Variants in ULK4 observed in about 807,000 individuals in gnomAD.
The protein encoded by ULK4 is inactive serine/threonine-protein kinase ULK4.
Under a neutral mutation model 160.6 loss-of-function variants are expected in ULK4, and 133 were observed. That is an observed-to-expected ratio of 0.83 (90% CI 0.72 to 0.96). The LOEUF is 0.96. Ranked by LOEUF, ULK4 falls within the 40% of genes least tolerant of loss-of-function variation. ULK4 has a pLI of 0.00. For missense variants in ULK4, 1,580 were observed against 1,499.5 expected, an observed-to-expected ratio of 1.05 and a Z score of -0.89; for synonymous variants, 534 against 539.8, an observed-to-expected ratio of 0.99 and a Z score of 0.15.
At chr3:41,955,097 C>G (rs1295236183) in intron 1 of ULK4, among the ~76,000 whole-genome samples, 2 of 152,098 alleles carry the variant, frequency 1.3e-5, no homozygotes, top group Admixed American at 6.5e-5. Flanking sequence ...TTGAGACCAG[C>G]CTGGCCAACA....
chr3:41,705,110 C>T lies in ULK4; in HGVS notation c.2728G>A (p.Ala910Thr). 6.2e-7 allele frequency: 1 copy of T among 1,613,956 alleles called. No homozygotes were observed. The highest frequency in any genetic ancestry group is 8.5e-7 in the Non-Finnish European group (1 of 1,179,958). The part of the protein sequence containing the change: ...SEEFIKITLS[A>T]FEAIIQYPIL... ...GGATACTGTATTATTGCTTCAAAAG[C>T]TGACAATGTGATCTTGATAAATTCT... Residue 910 changes from alanine to threonine, a missense_variant, in exon 27 of 37, where the codon GCT (alanine) becomes ACT (threonine). Coordinates refer to ENST00000301831, the MANE Select transcript of ULK4 (RefSeq NM_017886.4).
chr3:41,739,230 T>A (rs1184377795), intron 22 of ULK4, among the ~76,000 whole-genome samples: 1 of 151,830 alleles, frequency 6.6e-6, no homozygotes, highest in African/African-American at 2.4e-5. Context: ...AATATAGCAG[T>A]AAATTGCATG....
chr3:41,546,266 C>T (rs1013904879), intron 32 of ULK4, among the ~76,000 whole-genome samples: 1 of 151,990 alleles, frequency 6.6e-6, no homozygotes, highest in Non-Finnish European at 1.5e-5. Context: ...TTCTTGGTGG[C>T]TCTTTTGACC....
chr3:41,872,037 T>C (rs767600997), intron 17 of ULK4, among the ~76,000 whole-genome samples: 3 of 152,236 alleles, frequency 2.0e-5, no homozygotes, highest in Non-Finnish European at 4.4e-5. Context: ...TCCAGTCACC[T>C]CAATCCTGTG....
intron 27 of ULK4, among the ~76,000 whole-genome samples, chr3:41,700,581 C>T (rs1257670361): frequency 1.3e-5 from 2 of 152,060 alleles, no homozygotes; most frequent in African/African-American, 4.8e-5. Flanking sequence ...CCCTTAGGTG[C>T]CTGGCAGAAG....
intron 30 of ULK4, among the ~76,000 whole-genome samples, chr3:41,634,002 A>G (rs1160795613): frequency 6.6e-6 from 1 of 152,240 alleles, no homozygotes; most frequent in Non-Finnish European, 1.5e-5. Flanking sequence ...ACCAGCACTG[A>G]ACCTTACCCA....
intron 32 of ULK4, among the ~76,000 whole-genome samples, chr3:41,516,501 T>TA (rs60893698): frequency 0.054 from 8,208 of 151,944 alleles, 705 homozygotes; most frequent in African/African-American, 0.19. Flanking sequence ...TATTCAGCCA[T>TA]AAAAAAGAAT....
chr3:41,798,538 T>C (rs1338741979), intron 20 of ULK4, among the ~76,000 whole-genome samples: 1 of 151,998 alleles, frequency 6.6e-6, no homozygotes, highest in African/African-American at 2.4e-5. Flanking sequence ...GTAACATAAC[T>C]GAAAAATTTC....
intron 32 of ULK4, among the ~76,000 whole-genome samples, chr3:41,518,570 G>A (rs2085825612): frequency 1.3e-5 from 2 of 152,178 alleles, no homozygotes; most frequent in African/African-American, 2.4e-5. Flanking sequence ...TTTAATCCCA[G>A]TAATAACTGT....
chr3:41,877,686 TAA>T (rs1182902122), intron 17 of ULK4, among the ~76,000 whole-genome samples: 1 of 152,054 alleles, frequency 6.6e-6, no homozygotes, highest in East Asian at 1.9e-4. Context: ...AAACGAATTT[TAA>T]ATCTGAATTG....
chr3:41,317,258 G>T (rs1299997921), intron 35 of ULK4, among the ~76,000 whole-genome samples: 3 of 151,658 alleles, frequency 2.0e-5, no homozygotes, highest in Non-Finnish European at 2.9e-5. Context: ...TGTATTTTTA[G>T]TAGAGACGGG....
intron 27 of ULK4, among the ~76,000 whole-genome samples, chr3:41,698,618 C>T (rs891649577): frequency 1.3e-5 from 2 of 152,178 alleles, no homozygotes; most frequent in Non-Finnish European, 2.9e-5. Flanking sequence ...GGATAATCAA[C>T]CTGTATATAG....
intron 25 of ULK4, among the ~76,000 whole-genome samples, chr3:41,714,919 T>C (rs754240712): frequency 1.8e-4 from 27 of 151,752 alleles, no homozygotes; most frequent in Middle Eastern, 3.2e-3. Flanking sequence ...TGATACTATA[T>C]TCCCAGCATT....
chr3:41,554,141 G>A (rs1378050814), intron 32 of ULK4, among the ~76,000 whole-genome samples: 1 of 151,912 alleles, frequency 6.6e-6, no homozygotes, highest in African/African-American at 2.4e-5. Flanking sequence ...CAGTTCCACG[G>A]AAGTACCGTT....
At chr3:41,725,282 T>G (rs977770175) in intron 22 of ULK4, among the ~76,000 whole-genome samples, 1 of 152,260 alleles carries the variant, frequency 6.6e-6, no homozygotes, top group Non-Finnish European at 1.5e-5. Context: ...GTATTGATCT[T>G]TGGTACAGTA....
intron 29 of ULK4, among the ~76,000 whole-genome samples, chr3:41,680,908 C>CA (rs1317042995): frequency 1.3e-5 from 2 of 152,176 alleles, no homozygotes; most frequent in Non-Finnish European, 2.9e-5. Context: ...AGTGTCCCCT[C>CA]AACTATAAGG....
At chr3:41,918,399 G>C in intron 7 of ULK4, 58 bp downstream of exon 7, 1 of 1,178,104 alleles carries the variant, frequency 8.5e-7, no homozygotes, top group South Asian at 1.6e-5. Flanking sequence ...TTGGATAAAG[G>C]TACACCTTTA....
intron 32 of ULK4, among the ~76,000 whole-genome samples, chr3:41,504,150 C>T (rs911809386): frequency 6.6e-6 from 1 of 152,068 alleles, no homozygotes; most frequent in African/African-American, 2.4e-5. Context: ...CCCTTCCTTC[C>T]TTCACTTCTC....
At position 41,566,115 on chromosome 3, in the gene ULK4, T is replaced by C. The variant is rs1315828935; in HGVS notation, c.3136A>G (p.Ile1046Val). Residue 1046 changes from isoleucine to valine, a missense_variant, in exon 32 of 37, where the codon ATT becomes GTT. Coordinates refer to ENST00000301831, the MANE Select transcript of ULK4 (RefSeq NM_017886.4). ...FEVTLEHQESILGNTMQSVIA... is the reference protein window; with the variant it reads ...FEVTLEHQESVLGNTMQSVIA... ...ACACTTTGCATGGTATTACCCAGAATGCTCTCCTGATGTTCCTGCAATAGA... is the reference window on the plus strand; with the variant it reads ...ACACTTTGCATGGTATTACCCAGAACGCTCTCCTGATGTTCCTGCAATAGA... The C allele has an allele frequency of 1.9e-6, 3 of 1,612,618 alleles. No homozygotes were observed. The highest frequency in any genetic ancestry group is 1.6e-4 in the Middle Eastern group (1 of 6,062).
Sources: allele counts gnomAD v4.1 joint callset (sites outside exome capture counted in the v4.1 genomes callset), GRCh38; gene constraint gnomAD v4.1.1; transcripts MANE v1.5; gene names NCBI Gene and HGNC (gene_info 2026-07-23, HGNC 2026-07-21).